GABRG1: variants seen among roughly 807,000 people sequenced by gnomAD.
GABRG1 encodes the protein gamma-aminobutyric acid type A receptor subunit gamma1.
GABRG1 carries 49 observed loss-of-function variants against 49.8 expected under a neutral mutation model. The observed-to-expected ratio is 0.98, with a 90% CI of 0.78 to 1.25. The LOEUF (loss-of-function observed/expected upper bound fraction) is 1.25, where lower values mean the gene tolerates loss of function less well. GABRG1 is among the 50% of genes most tolerant of loss of function. The probability of loss-of-function intolerance (pLI) is 0.00; values close to 1 mark genes in which losing one functional copy is unlikely to be tolerated. For missense variants in GABRG1, 552 were observed against 552.3 expected (o/e 1.00, Z 0.01); for synonymous variants, 232 against 185.1 (o/e 1.25, Z -2.06).
In GABRG1 at chr4:46,059,119, C is replaced by T. The variant is rs576248898; in HGVS notation, c.626-497G>A. ...GTATTTTTTAATATATTGTGATAGT[C>T]ATCAAAGTTGTACGTAGCTAAATTT... On this transcript the variant is annotated intron_variant, in intron 5 of 8. Transcript: ENST00000295452. 1.4e-4 allele frequency among the ~76,000 whole-genome samples: 22 copies of T among 152,182 alleles called. 1 individual carries two copies. In the South Asian group the frequency reaches 4.6e-3, roughly 32 times the overall value.
chr4:46,065,119 A>T (rs945440509), intron 4 of GABRG1, among the ~76,000 whole-genome samples: 8 of 152,130 alleles, frequency 5.3e-5, no homozygotes, highest in Admixed American at 4.6e-4. Context: ...TTTATGCTGC[A>T]ACCTGTTCTG....
chr4:46,092,409 G>C (rs1720021366), intron 2 of GABRG1, among the ~76,000 whole-genome samples: 1 of 151,874 alleles, frequency 6.6e-6, no homozygotes, highest in Non-Finnish European at 1.5e-5. Flanking sequence ...ATCTAATAAA[G>C]TGCATATTTT....
intron 1 of GABRG1, among the ~76,000 whole-genome samples, chr4:46,110,129 C>A (rs1033152238): frequency 6.6e-5 from 10 of 151,040 alleles, no homozygotes; most frequent in African/African-American, 2.4e-4. Context: ...AAATCTTCAA[C>A]TATGATTGGG....
intron 1 of GABRG1, among the ~76,000 whole-genome samples, chr4:46,114,166 G>A (rs1355073981): frequency 6.6e-6 from 1 of 150,928 alleles, no homozygotes; most frequent in Non-Finnish European, 1.5e-5. Flanking sequence ...CTATAGAAAA[G>A]CAAAATAAGT....
intron 1 of GABRG1, among the ~76,000 whole-genome samples, chr4:46,117,812 GTGTATC>G (rs1374243519): frequency 4.4e-5 from 5 of 113,732 alleles, no homozygotes; most frequent in African/African-American, 1.7e-4. Flanking sequence ...ATGTATACAT[GTGTATC>G]TATATACATA....
intron 3 of GABRG1, among the ~76,000 whole-genome samples, chr4:46,078,334 T>C (rs540984245): frequency 1.3e-5 from 2 of 152,120 alleles, no homozygotes; most frequent in African/African-American, 4.8e-5. Flanking sequence ...TTCTTCAAGC[T>C]AATGTACTTG....
Position 46,098,323 on chromosome 4 carries a change from C to G in GABRG1, c.105-974G>C, listed in dbSNP as rs114245480. 4.6e-3 allele frequency among the ~76,000 whole-genome samples: 696 copies of G among 151,810 alleles called. 6 individuals carry two copies. Among genetic ancestry groups the G allele is most frequent in the African/African-American group, 0.016 (671 of 41,506 alleles). ...TTCTTTTGAGTAAGGTCATTCTAGA[C>G]TTAACAACACACCCATTTTAGGAAA... is the stretch of plus-strand genomic sequence containing the variant. On this transcript the variant is annotated intron_variant, in intron 1 of 8. Transcript: ENST00000295452.
chr4:46,086,615 C>G (rs905552074), intron 2 of GABRG1, among the ~76,000 whole-genome samples: 1 of 151,490 alleles, frequency 6.6e-6, no homozygotes, highest in Non-Finnish European at 1.5e-5. Flanking sequence ...AATAGTCCCA[C>G]TTATTCAGAT....
chr4:46,058,504 T>G lies in GABRG1; in HGVS notation c.744A>C (p.Glu248Asp), dbSNP rs1269829147. ...FAFVGLRNST[E>D]ITHTISGDYV... ...TTTTACCAGAGATCGTGTGAGTGAT[T>G]TCAGTTGAGTTCCGTAACCCTACAA... Residue 248 changes from glutamate (E) to aspartate (D), a missense_variant, in exon 6 of 9, where the codon GAA becomes GAC. Transcript: ENST00000295452. 1 of 1,613,110 alleles carries G rather than the reference T, an allele frequency of 6.2e-7. No homozygotes were observed. Among genetic ancestry groups the G allele is most frequent in the Non-Finnish European group, 8.5e-7 (1 of 1,179,486 alleles).
intron 8 of GABRG1, among the ~76,000 whole-genome samples, chr4:46,050,277 T>G (rs1373633819): frequency 4.6e-5 from 7 of 151,952 alleles, no homozygotes; most frequent in African/African-American, 1.7e-4. Context: ...CAATGTGCTC[T>G]GCTTTCTTGG....
chr4:46,111,781 T>C lies in GABRG1; in HGVS notation c.104+12029A>G, dbSNP rs1161664623. ...AATAAATGGTGCTGGAATAGTTGGC[T>C]AGCCATACGAAGAAGACTGAAATGG... On this transcript the variant is annotated intron_variant, in intron 1 of 8. Transcript: ENST00000295452. Among the ~76,000 whole-genome samples the C allele has an allele frequency of 3.3e-5, 5 of 151,330 alleles. No homozygotes were observed. In the East Asian group the frequency reaches 5.9e-4, roughly 18 times the overall value.
chr4:46,082,609 C>T (rs1288625749), intron 3 of GABRG1, among the ~76,000 whole-genome samples: 3 of 151,740 alleles, frequency 2.0e-5, no homozygotes, highest in African/African-American at 7.3e-5. Context: ...AACTGAATTT[C>T]TCCTAACAAA....
intron 7 of GABRG1, among the ~76,000 whole-genome samples, chr4:46,057,242 T>G (rs920070235): frequency 6.6e-6 from 1 of 152,132 alleles, no homozygotes; most frequent in Admixed American, 6.6e-5. Flanking sequence ...ACTTCAAGTA[T>G]AGACCCATGT....
intron 1 of GABRG1, among the ~76,000 whole-genome samples, chr4:46,106,404 C>T (rs1720547907): frequency 6.6e-6 from 1 of 151,250 alleles, no homozygotes; most frequent in South Asian, 2.1e-4. Flanking sequence ...TGTCTAAGTG[C>T]AATTTTGTAA....
chr4:46,044,024 T>C (rs1717890259), intron 8 of GABRG1, among the ~76,000 whole-genome samples: 1 of 152,084 alleles, frequency 6.6e-6, no homozygotes, highest in East Asian at 1.9e-4. Flanking sequence ...TTGATGATTA[T>C]ATTATTATGA....
chr4:46,117,590 T>TTCTGTC lies in GABRG1; in HGVS notation c.104+6219_104+6220insGACAGA, dbSNP rs1385032204. On this transcript the variant is annotated intron_variant, in intron 1 of 8. Transcript: ENST00000295452. ...TCTCTCTCTCTCTCTCTGTCTCTCTTTGTCTCTCTCTCTCTCTCTCTCTAT... is the reference window on the plus strand; with the variant it reads ...TCTCTCTCTCTCTCTCTGTCTCTCTTTCTGTCTGTCTCTCTCTCTCTCTCTCTCTAT... 5.9e-4 allele frequency among the ~76,000 whole-genome samples: 77 copies of TTCTGTC among 130,298 alleles called. 1 individual carries two copies. The highest frequency in any genetic ancestry group is 2.1e-3 in the African/African-American group (66 of 31,964). The allele number at this position is 130,298 out of a possible 152,430, so 85.5% of individuals were successfully genotyped here.
intron 8 of GABRG1, among the ~76,000 whole-genome samples, chr4:46,043,480 C>T (rs887205926): frequency 1.3e-5 from 2 of 151,750 alleles, no homozygotes; most frequent in African/African-American, 4.8e-5. Context: ...AGCCAAAAAT[C>T]TAACACAATG....
At chr4:46,117,352 G>A (rs1372074791) in intron 1 of GABRG1, among the ~76,000 whole-genome samples, 1 of 149,968 alleles carries the variant, frequency 6.7e-6, no homozygotes, top group African/African-American at 2.4e-5. Context: ...ATTGTTTCTG[G>A]GAGGAAAAGA....
At chr4:46,095,958 G>T (rs1419292053) in intron 2 of GABRG1, among the ~76,000 whole-genome samples, 1 of 151,386 alleles carries the variant, frequency 6.6e-6, no homozygotes, top group Non-Finnish European at 1.5e-5. Flanking sequence ...TATCTTTTTT[G>T]CTCCTCTCCT....
Sources: gnomAD v4.1 joint callset for allele counts (sites outside exome capture counted in the v4.1 genomes callset) on GRCh38, gnomAD v4.1.1 for gene constraint, MANE v1.5 for transcripts, NCBI Gene and HGNC (gene_info 2026-07-23, HGNC 2026-07-21) for gene names.